CCDC7: variants seen among roughly 807,000 people sequenced by gnomAD.
The protein encoded by CCDC7 is coiled-coil domain containing 7, also known as coiled-coil domain-containing protein 7.
A neutral mutation model predicts 196.9 loss-of-function variants in CCDC7; 183 were observed. That is an observed-to-expected ratio of 0.93 (90% CI 0.82 to 1.05). The LOEUF is 1.05. Among genes scored for constraint, CCDC7 ranks in the 50% least tolerant of loss-of-function variants. The pLI is 0.00. For missense variants in CCDC7, 1,540 were observed against 1,482.2 expected (o/e 1.04, Z -0.64); for synonymous variants, 525 against 484.6 (o/e 1.08, Z -1.10).
intron 19 of CCDC7, 111 bp downstream of exon 20, chr10:32,634,475 C>G (rs2065313594): frequency 2.7e-6 from 1 of 366,946 alleles, no homozygotes; most frequent in Non-Finnish European, 4.6e-6. Flanking sequence ...TGGCTCACTG[C>G]AACCTCCATC....
At chr10:32,550,387 G>T (rs1589773728) in intron 13 of CCDC7, among the ~76,000 whole-genome samples, 1 of 152,002 alleles carries the variant, frequency 6.6e-6, no homozygotes, top group Non-Finnish European at 1.5e-5. Context: ...ACTGATTTGG[G>T]TGTCTTTTAT....
intron 11 of CCDC7, among the ~76,000 whole-genome samples, chr10:32,520,538 A>G (rs1455444816): frequency 4.6e-5 from 7 of 151,920 alleles, no homozygotes; most frequent in Admixed American, 4.6e-4. Context: ...TGTCTATTTG[A>G]ATCTTTTACC....
At chr10:32,483,993 C>T (rs2040494116) in intron 8 of CCDC7, among the ~76,000 whole-genome samples, 2 of 152,044 alleles carry the variant, frequency 1.3e-5, no homozygotes, top group South Asian at 4.2e-4. Context: ...TTTTTTGGTT[C>T]CATATGAACT....
At chr10:32,714,966 C>T (rs1029964365) in intron 25 of CCDC7, among the ~76,000 whole-genome samples, 5 of 152,102 alleles carry the variant, frequency 3.3e-5, no homozygotes, top group African/African-American at 9.7e-5. Context: ...TGGCTGTGGG[C>T]GCAGCTTCAG....
intron 18 of CCDC7, among the ~76,000 whole-genome samples, chr10:32,606,129 A>G (rs1337126000): frequency 1.3e-5 from 2 of 152,234 alleles, no homozygotes; most frequent in Non-Finnish European, 2.9e-5. Context: ...AAAGGGCCCC[A>G]GATACAGCTC....
At chr10:32,653,555 T>G (rs2069176386) in intron 20 of CCDC7, among the ~76,000 whole-genome samples, 1 of 152,204 alleles carries the variant, frequency 6.6e-6, no homozygotes, top group Admixed American at 6.5e-5. Flanking sequence ...GAAGGTGTAT[T>G]CTTGCATGGA....
intron 25 of CCDC7, among the ~76,000 whole-genome samples, chr10:32,723,594 T>C (rs1021315734): frequency 1.3e-5 from 2 of 152,084 alleles, no homozygotes; most frequent in African/African-American, 4.8e-5. Context: ...TAGATTGTTT[T>C]GGATGCTTGC....
At chr10:32,509,745 T>G (rs2045818457) in intron 9 of CCDC7, among the ~76,000 whole-genome samples, 1 of 152,136 alleles carries the variant, frequency 6.6e-6, no homozygotes, top group Non-Finnish European at 1.5e-5. Flanking sequence ...TAGATATTTT[T>G]CCAAAGAAGA....
exon 38 of CCDC7, chr10:32,847,890 TAAAGAC>T (rs2136212105): frequency 6.2e-7 from 1 of 1,608,830 alleles, no homozygotes; most frequent in African/African-American, 1.3e-5. Flanking sequence ...ATTGGTGAGA[TAAAGAC>T]ACAACTAAGG....
chr10:32,828,492 GA>G (rs1379516231), intron 32 of CCDC7, among the ~76,000 whole-genome samples: 4 of 89,924 alleles, frequency 4.4e-5, no homozygotes, highest in African/African-American at 1.7e-4. Context: ...AGAGGAAGAA[GA>G]AGAAGAAGAA....
chr10:32,592,458 C>T (rs1349139928), intron 18 of CCDC7, among the ~76,000 whole-genome samples: 3 of 151,938 alleles, frequency 2.0e-5, no homozygotes, highest in Non-Finnish European at 2.9e-5. Context: ...TAATGTGTGT[C>T]TACAGCTCTA....
chr10:32,532,131 T>C (rs1265257639), intron 11 of CCDC7, among the ~76,000 whole-genome samples: 1 of 152,094 alleles, frequency 6.6e-6, no homozygotes, highest in Non-Finnish European at 1.5e-5. Context: ...CATCATTAGG[T>C]TATTTGAAGT....
intron 24 of CCDC7, among the ~76,000 whole-genome samples, chr10:32,707,022 G>A (rs1483580419): frequency 6.6e-6 from 1 of 152,250 alleles, no homozygotes; most frequent in Non-Finnish European, 1.5e-5. Flanking sequence ...AACAAAAGAA[G>A]AGAATTTTAG....
intron 32 of CCDC7, among the ~76,000 whole-genome samples, chr10:32,825,127 C>G (rs1001513666): frequency 3.3e-5 from 5 of 152,118 alleles, no homozygotes; most frequent in South Asian, 2.1e-4. Flanking sequence ...TCGTGTTATA[C>G]CCATAGAGGC....
chr10:32,547,416 A>G (rs900716406), intron 13 of CCDC7, among the ~76,000 whole-genome samples: 5 of 152,222 alleles, frequency 3.3e-5, no homozygotes, highest in Admixed American at 3.3e-4. Context: ...CTCTTGCTAT[A>G]TAATGAACCT....
intron 23 of CCDC7, among the ~76,000 whole-genome samples, chr10:32,690,265 T>C (rs1264168026): frequency 2.6e-5 from 4 of 152,206 alleles, no homozygotes; most frequent in Non-Finnish European, 5.9e-5. Context: ...ATCAATATAA[T>C]GAAAGGCTAG....
chr10:32,646,618 G>C (rs913647230), intron 20 of CCDC7, among the ~76,000 whole-genome samples: 1 of 152,022 alleles, frequency 6.6e-6, no homozygotes, highest in African/African-American at 2.4e-5. Flanking sequence ...GGTGTGGGGG[G>C]TTACATGTGC....
At chr10:32,487,486 G>A (rs547701468) in intron 8 of CCDC7, among the ~76,000 whole-genome samples, 40 of 152,222 alleles carry the variant, frequency 2.6e-4, no homozygotes, top group Middle Eastern at 3.4e-3. Flanking sequence ...CTCTCAACTC[G>A]TCGAAGTCAT....
At chr10:32,478,327 G>C (rs1458056859) in intron 8 of CCDC7, among the ~76,000 whole-genome samples, 1 of 152,084 alleles carries the variant, frequency 6.6e-6, no homozygotes, top group Non-Finnish European at 1.5e-5. Context: ...GCATTAGCTA[G>C]GACTTCCAGT....
Sources: gnomAD v4.1 joint callset for allele counts (sites outside exome capture counted in the v4.1 genomes callset) on GRCh38, gnomAD v4.1.1 for gene constraint, MANE v1.5 for transcripts, NCBI Gene and HGNC (gene_info 2026-07-23, HGNC 2026-07-21) for gene names.